PCMTD1: variants seen among roughly 807,000 people sequenced by gnomAD.
The protein encoded by PCMTD1 is protein-L-isoaspartate (D-aspartate) O-methyltransferase domain containing 1.
Under a neutral mutation model 37.6 loss-of-function variants are expected in PCMTD1, and 12 were observed. The ratio of observed to expected loss-of-function variants is 0.32; its 90% CI spans 0.20 to 0.52. The LOEUF (loss-of-function observed/expected upper bound fraction) is 0.52, where lower values mean the gene tolerates loss of function less well. Among genes scored for constraint, PCMTD1 ranks in the 20% least tolerant of loss-of-function variants. PCMTD1 has a pLI of 0.97. For synonymous variants in PCMTD1, 117 were observed against 135.8 expected (o/e 0.86, Z 0.96); for missense variants, 235 against 421.3 (o/e 0.56, Z 3.87).
chr8:51,827,489 AT>A, intron 5 of PCMTD1: 1 of 314,460 alleles, frequency 3.2e-6, no homozygotes, highest in South Asian at 2.6e-5. Flanking sequence ...TCTGTCTACC[AT>A]TTCCTCACCA....
intron 3 of PCMTD1, 192 bp downstream of exon 3, chr8:51,845,469 T>G: frequency 2.3e-6 from 1 of 428,394 alleles, no homozygotes; most frequent in Non-Finnish European, 4.2e-6. Context: ...ACATTATTTA[T>G]AATTTACTAT....
intron 1 of PCMTD1, among the ~76,000 whole-genome samples, chr8:51,869,704 T>C (rs1475637524): frequency 6.6e-6 from 1 of 151,980 alleles, no homozygotes; most frequent in Non-Finnish European, 1.5e-5. Flanking sequence ...AAAAGGTAAA[T>C]ATAGAAAAAG....
chr8:51,827,872 TCA>T (rs1312955548), intron 5 of PCMTD1, among the ~76,000 whole-genome samples: 4 of 152,182 alleles, frequency 2.6e-5, no homozygotes, highest in East Asian at 3.8e-4. Flanking sequence ...TATTTTACAT[TCA>T]CAGTTACAAA....
At chr8:51,875,710 G>A (rs1014912809) in intron 1 of PCMTD1, among the ~76,000 whole-genome samples, 1 of 152,150 alleles carries the variant, frequency 6.6e-6, no homozygotes, top group Admixed American at 6.5e-5. Context: ...AGCCAAGGAG[G>A]GAGGACAACT....
At chr8:51,899,064 G>A, upstream of PCMTD1, 1 of 1,502,508 alleles carries the variant, frequency 6.7e-7, no homozygotes, top group African/African-American at 1.4e-5. Flanking sequence ...ACCCGCGACT[G>A]GAGCAGCCAG....
chr8:51,834,628 A>G (rs1013629582), intron 3 of PCMTD1, among the ~76,000 whole-genome samples: 4 of 152,190 alleles, frequency 2.6e-5, no homozygotes, highest in Non-Finnish European at 4.4e-5. Flanking sequence ...GAAATAATTC[A>G]TATTAAAAGG....
At chr8:51,897,008 C>T (rs1215141455) in intron 1 of PCMTD1, among the ~76,000 whole-genome samples, 1 of 151,674 alleles carries the variant, frequency 6.6e-6, no homozygotes, top group Admixed American at 6.6e-5. Context: ...ATATTATTAC[C>T]AAAAATAACT....
At position 51,831,455 on chromosome 8, in the gene PCMTD1, G is replaced by A. The variant is rs919070557; in HGVS notation, c.695C>T (p.Ser232Phe). ...GAAGAGCTACTTACGGAGTCCCACA[G>A]AATCTGGTTTGCCATTATCATTCTT... Reference protein sequence around the residue: ...PSKNDNGKPDSVGLPPCAVRN... With the variant: ...PSKNDNGKPDFVGLPPCAVRN... Residue 232 changes from serine to phenylalanine, a missense_variant, in exon 5 of 6, where the codon TCT (serine) becomes TTT (phenylalanine). By Grantham distance (155) the Ser-to-Phe change is radical. Around this residue, in one of 3 missense-constraint regions of PCMTD1, gnomAD observed 183 missense variants for 349.3 expected, o/e 0.52. Coordinates refer to ENST00000522514, the MANE Select transcript of PCMTD1 (RefSeq NM_052937.4). 9.9e-6 allele frequency: 16 copies of A among 1,613,036 alleles called. No homozygotes were observed. Among genetic ancestry groups the A allele is most frequent in the Non-Finnish European group, 1.4e-5 (16 of 1,179,706 alleles).
intron 3 of PCMTD1, among the ~76,000 whole-genome samples, chr8:51,834,703 C>T (rs1168372316): frequency 6.6e-6 from 1 of 151,942 alleles, no homozygotes; most frequent in Non-Finnish European, 1.5e-5. Flanking sequence ...TAAAATATAC[C>T]CTGTCCTTTA....
intron 1 of PCMTD1, chr8:51,896,198 A>T (rs1474761853): frequency 6.6e-6 from 1 of 152,098 alleles, no homozygotes; most frequent in African/African-American, 2.4e-5. Flanking sequence ...CACCTGCCTC[A>T]GCCTCCCAAA....
At chr8:51,853,460 G>T (rs1008273624) in intron 2 of PCMTD1, among the ~76,000 whole-genome samples, 3 of 152,088 alleles carry the variant, frequency 2.0e-5, no homozygotes, top group African/African-American at 4.8e-5. Context: ...TTACACTTAA[G>T]GAAACAAATT....
chr8:51,827,839 C>G (rs1260189382), intron 5 of PCMTD1, among the ~76,000 whole-genome samples: 1 of 152,056 alleles, frequency 6.6e-6, no homozygotes, highest in East Asian at 1.9e-4. Flanking sequence ...CTCCATTTTA[C>G]CCTATTCTAT....
At chr8:51,867,517 GTGTA>G (rs1422487712) in intron 1 of PCMTD1, among the ~76,000 whole-genome samples, 8 of 140,104 alleles carry the variant, frequency 5.7e-5, no homozygotes, top group South Asian at 4.5e-4. Context: ...GTGTGTGTGT[GTGTA>G]TAGGAATTTG....
intron 1 of PCMTD1, among the ~76,000 whole-genome samples, chr8:51,898,653 G>C (rs998709): frequency 0.69 from 103,575 of 150,866 alleles, 42,017 homozygotes; most frequent in Non-Finnish European, 0.9. Flanking sequence ...CGGCCCCAGG[G>C]ACCCCGGCTC....
chr8:51,877,298 T>C (rs991666954), intron 1 of PCMTD1, among the ~76,000 whole-genome samples: 3 of 152,202 alleles, frequency 2.0e-5, no homozygotes, highest in African/African-American at 7.2e-5. Context: ...ATTTTATATC[T>C]GTCCTGATTG....
At position 51,861,235 on chromosome 8, in the gene PCMTD1, A is replaced by C; in HGVS notation, c.-84T>G. 1 of 1,468,836 alleles carries C rather than the reference A, an allele frequency of 6.8e-7. No individual in the cohort carries two copies. The allele number at this position is 1,468,836 out of a possible 1,614,324, so 91.0% of individuals were successfully genotyped here. ...TCCAATATTGCACTTGATTTCCAAAAATAAATTAATCCTGGAAGGGAAGAA... is the reference window on the plus strand; with the variant it reads ...TCCAATATTGCACTTGATTTCCAAACATAAATTAATCCTGGAAGGGAAGAA... On this transcript the variant is annotated 5_prime_UTR_variant, in exon 2 of 6. It adds an upstream start codon to the 5' untranslated region. Transcript: ENST00000522514.
chr8:51,850,690 A>G (rs549632393), intron 2 of PCMTD1, among the ~76,000 whole-genome samples: 137 of 152,312 alleles, frequency 9.0e-4, no homozygotes, highest in African/African-American at 3.1e-3. Flanking sequence ...TATTCACCAC[A>G]AGGGGGAGTA....
rs1418660361 is a variant in PCMTD1, at chr8:51,817,648, C to T, written c.*2703G>A. ...TCTTCCAATGATTTAACAGGCTTTG[C>T]TTCACTTTTATCATCTCAAACAGCT... On this transcript the variant is annotated 3_prime_UTR_variant, in exon 6 of 6. Coordinates refer to ENST00000522514, the MANE Select transcript of PCMTD1 (RefSeq NM_052937.4). 9.6e-6 allele frequency: 2 copies of T among 208,150 alleles called. No individual in the cohort carries two copies. The highest frequency in any genetic ancestry group is 1.4e-4 in the East Asian group (1 of 7,052). 12.9% of individuals were successfully genotyped at this position (208,150 alleles called of 1,614,324 possible). A position where few individuals can be genotyped will look rare whatever the true frequency, so the allele number is the denominator to read the frequency against.
chr8:51,831,625 C>T, intron 4 of PCMTD1, 58 bp from the exon 5 acceptor site: 1 of 1,528,718 alleles, frequency 6.5e-7, no homozygotes, highest in Non-Finnish European at 8.8e-7. Flanking sequence ...ATGTGGTCAC[C>T]TTACAGTCAA....
Sources: gnomAD v4.1 joint callset for allele counts (sites outside exome capture counted in the v4.1 genomes callset) on GRCh38, gnomAD v4.1.1 for gene constraint, gnomAD v4.1.1 regional missense constraint, MANE v1.5 for transcripts, NCBI Gene and HGNC (gene_info 2026-07-23, HGNC 2026-07-21) for gene names.